OPCML: variants seen among roughly 807,000 people sequenced by gnomAD.
The protein encoded by OPCML is opioid binding protein/cell adhesion molecule like, also known as opioid-binding protein/cell adhesion molecule.
Under a neutral mutation model 37.8 loss-of-function variants are expected in OPCML, and 13 were observed. The observed-to-expected ratio is 0.34, with a 90% CI of 0.22 to 0.55. OPCML has a LOEUF of 0.55. OPCML is among the 20% of genes least tolerant of loss of function. The pLI is 0.91. For missense variants in OPCML, 341 were observed against 435.6 expected (o/e 0.78, Z 1.93); for synonymous variants, 176 against 168.8 (o/e 1.04, Z -0.33).
chr11:132,870,153 G>C (rs1942740775), intron 2 of OPCML, among the ~76,000 whole-genome samples: 1 of 152,112 alleles, frequency 6.6e-6, no homozygotes, highest in South Asian at 2.1e-4. Context: ...AGCTGACATT[G>C]GGAGAATTTA....
At chr11:132,710,128 A>G (rs1484056589) in intron 2 of OPCML, among the ~76,000 whole-genome samples, 5 of 152,202 alleles carry the variant, frequency 3.3e-5, no homozygotes, top group Admixed American at 2.6e-4. Flanking sequence ...CTTCTGAAAA[A>G]GGCAAAGACC....
chr11:132,941,917 C>A (rs1031124670), intron 2 of OPCML, among the ~76,000 whole-genome samples: 3 of 152,180 alleles, frequency 2.0e-5, no homozygotes, highest in Non-Finnish European at 4.4e-5. Context: ...ACAGGAAGAA[C>A]CCCCACCGTC....
chr11:132,514,548 C>G (rs79350343), intron 4 of OPCML, among the ~76,000 whole-genome samples: 1 of 152,058 alleles, frequency 6.6e-6, no homozygotes, highest in Non-Finnish European at 1.5e-5. Flanking sequence ...CCTGGGCTCT[C>G]GGGAGTATAA....
In OPCML at chr11:133,478,886, G is replaced by A. The variant is rs1489283468; in HGVS notation, c.61+53378C>T. On this transcript the variant is annotated intron_variant, in intron 1 of 7. Transcript: ENST00000524381. ...TACTCACCCTGGAGCTGTGGCACCTGAGGCACCAGAGTTAAATAAAGAAAC... is the reference window on the plus strand; with the variant it reads ...TACTCACCCTGGAGCTGTGGCACCTAAGGCACCAGAGTTAAATAAAGAAAC... Among the ~76,000 whole-genome samples the A allele has an allele frequency of 1.5e-3, 228 of 151,726 alleles. 1 individual carries two copies. Among genetic ancestry groups the A allele is most frequent in the Middle Eastern group, 6.8e-3 (2 of 294 alleles).
At chr11:132,935,823 A>G (rs1293797697) in intron 2 of OPCML, among the ~76,000 whole-genome samples, 1 of 152,194 alleles carries the variant, frequency 6.6e-6, no homozygotes, top group Non-Finnish European at 1.5e-5. Context: ...CTCCTTCTAT[A>G]CTTTGGTATC....
At chr11:132,586,235 G>T (rs1263787337) in intron 3 of OPCML, among the ~76,000 whole-genome samples, 1 of 152,170 alleles carries the variant, frequency 6.6e-6, no homozygotes, top group Non-Finnish European at 1.5e-5. Flanking sequence ...AATCAAACTA[G>T]CAAGTAAAAG....
chr11:132,766,564 AC>A (rs1258790361), intron 2 of OPCML, among the ~76,000 whole-genome samples: 2 of 152,024 alleles, frequency 1.3e-5, no homozygotes, highest in Non-Finnish European at 2.9e-5. Flanking sequence ...CTCTGTTGAG[AC>A]CCTTTTATAA....
In OPCML at chr11:132,943,918, C is replaced by CG. The variant is rs1453755201; in HGVS notation, c.62-909dup. 6.6e-6 allele frequency: 1 copy of CG among 151,768 alleles called. No individual in the cohort carries two copies. The highest frequency in any genetic ancestry group is 1.5e-5 in the Non-Finnish European group (1 of 67,908). 9.4% of individuals were successfully genotyped at this position (151,768 alleles called of 1,614,324 possible). A position where few individuals can be genotyped will look rare whatever the true frequency, so the allele number is the denominator to read the frequency against. ...CTCCCGGGAGCAGCCCCGACGCGCG[C>CG]GGGCCCGGACCGCCGGGGTTGTCAT... is the stretch of plus-strand genomic sequence containing the variant. On this transcript the variant is annotated intron_variant, in intron 1 of 7. Coordinates refer to ENST00000524381, the MANE Select transcript of OPCML (RefSeq NM_001012393.5). This position sits in a 1 kb window ranked among gnomAD's most constrained non-coding sequence, Gnocchi z 4.3.
intron 1 of OPCML, among the ~76,000 whole-genome samples, chr11:133,442,113 A>G (rs956264246): frequency 1.3e-5 from 2 of 152,198 alleles, no homozygotes; most frequent in African/African-American, 4.8e-5. Flanking sequence ...CAAAGAAAGG[A>G]GACGTTGCCT....
intron 1 of OPCML, among the ~76,000 whole-genome samples, chr11:133,190,607 C>T (rs1029728709): frequency 1.3e-5 from 2 of 152,156 alleles, no homozygotes; most frequent in African/African-American, 2.4e-5. Flanking sequence ...AAAAGAAATC[C>T]TGTGTCCTTT....
At chr11:132,847,710 T>A (rs974530878) in intron 2 of OPCML, among the ~76,000 whole-genome samples, 3 of 152,218 alleles carry the variant, frequency 2.0e-5, no homozygotes, top group Non-Finnish European at 4.4e-5. Context: ...AATTAAACTT[T>A]TGAAGTACAG....
intron 1 of OPCML, chr11:133,009,082 C>T: frequency 4.1e-6 from 4 of 985,338 alleles, no homozygotes; most frequent in Non-Finnish European, 3.6e-6. Flanking sequence ...CATGTATGGG[C>T]AGGTTTAGTG....
chr11:132,481,162 T>C (rs2096178947), intron 4 of OPCML, among the ~76,000 whole-genome samples: 1 of 152,216 alleles, frequency 6.6e-6, no homozygotes, highest in South Asian at 2.1e-4. Flanking sequence ...ATCAGTGTGC[T>C]GTATTCAGGA....
intron 1 of OPCML, among the ~76,000 whole-genome samples, chr11:133,455,527 C>T (rs1946656605): frequency 6.6e-6 from 1 of 152,162 alleles, no homozygotes; most frequent in Admixed American, 6.5e-5. Context: ...CCTCTCTGCG[C>T]AGTCATTTAA....
At chr11:133,274,578 A>T (rs1475606479) in intron 1 of OPCML, among the ~76,000 whole-genome samples, 1 of 152,292 alleles carries the variant, frequency 6.6e-6, no homozygotes, top group Admixed American at 6.5e-5. Flanking sequence ...TGGCCCTGTG[A>T]AACAATCACC....
chr11:132,734,346 C>T (rs1945183799), intron 2 of OPCML, among the ~76,000 whole-genome samples: 1 of 152,162 alleles, frequency 6.6e-6, no homozygotes, highest in Non-Finnish European at 1.5e-5. Flanking sequence ...ACAGTAGCAT[C>T]ACAAAAGGCG....
rs11340177 is a variant in OPCML, at chr11:132,710,688, CAAAA to C, written c.147-53373_147-53370del. Among the ~76,000 whole-genome samples, 1,200 of 135,256 alleles carry C rather than the reference CAAAA, an allele frequency of 8.9e-3. 14 individuals are homozygous for C. The highest frequency in any genetic ancestry group is 0.025 in the African/African-American group (932 of 37,766). 88.7% of individuals were successfully genotyped at this position (135,256 alleles called of 152,430 possible). ...GCCAACATGTATCTACTAAAAAATA[CAAAA>C]AAAAAAAAAAAAATTAGCCAGGTGT... On this transcript the variant is annotated intron_variant, in intron 2 of 7. Coordinates refer to ENST00000524381, the MANE Select transcript of OPCML (RefSeq NM_001012393.5).
chr11:132,768,484 G>A (rs1946532080), intron 2 of OPCML, among the ~76,000 whole-genome samples: 1 of 152,116 alleles, frequency 6.6e-6, no homozygotes, highest in East Asian at 1.9e-4. Context: ...TACAATTTGG[G>A]TACTGTCCAT....
At chr11:133,531,014 T>C (rs59732490) in intron 1 of OPCML, among the ~76,000 whole-genome samples, 5 of 152,348 alleles carry the variant, frequency 3.3e-5, no homozygotes, top group African/African-American at 1.2e-4. Context: ...AATCTTAGCA[T>C]TCCTGTCTGT....
Sources: gnomAD v4.1 joint callset for allele counts (sites outside exome capture counted in the v4.1 genomes callset) on GRCh38, gnomAD v4.1.1 for gene constraint, Gnocchi (gnomAD v3.1) non-coding constraint, MANE v1.5 for transcripts, NCBI Gene and HGNC (gene_info 2026-07-23, HGNC 2026-07-21) for gene names.